KRT78: variants seen among roughly 807,000 people sequenced by gnomAD.
KRT78 encodes the protein keratin 78.
KRT78 carries 55 observed loss-of-function variants against 51.4 expected under a neutral mutation model. The ratio of observed to expected loss-of-function variants is 1.07; its 90% confidence interval spans 0.86 to 1.34. KRT78 has a LOEUF of 1.34. KRT78 is among the 40% of genes most tolerant of loss of function. KRT78 has a pLI of 0.00. For synonymous variants in KRT78, 291 were observed against 264.3 expected (o/e 1.10, Z -0.98); for missense variants, 652 against 649.4 (o/e 1.00, Z -0.04).
In KRT78 at chr12:52,847,942, C is replaced by T; in HGVS notation, c.564G>A (p.Lys188=). 1.2e-6 allele frequency: 2 copies of T among 1,614,206 alleles called. No individual in the cohort carries two copies. The highest frequency in any genetic ancestry group is 1.7e-6 in the Non-Finnish European group (2 of 1,180,038). The part of the protein sequence containing the change: ...GERGALDAEL[K]ACRDQEEEYK... ...ACTCCTCCTCCTGGTCCCGGCAGGC[C>T]TTCAACTCAGCATCCAGAGCCCCTC... The change falls in exon 2 of 9, where the codon AAG becomes AAA. Residue 188 remains lysine, a synonymous_variant. Coordinates refer to ENST00000304620, the MANE Select transcript of KRT78 (RefSeq NM_173352.4).
At chr12:52,843,871 G>A (rs985406858) in intron 6 of KRT78, among the ~76,000 whole-genome samples, 7 of 152,028 alleles carry the variant, frequency 4.6e-5, no homozygotes, top group Non-Finnish European at 8.8e-5. Flanking sequence ...ACTATCCCAC[G>A]AAAGCCAACA....
chr12:52,848,279 T>C (rs373762206), intron 1 of KRT78, 158 bp from the exon 2 acceptor site: 13 of 1,538,652 alleles, frequency 8.4e-6, no homozygotes, highest in East Asian at 7.3e-5. Flanking sequence ...CATGACACTC[T>C]GAACACAACA....
At chr12:52,847,826 G>T in intron 2 of KRT78, 81 bp downstream of exon 2, 2 of 1,253,006 alleles carry the variant, frequency 1.6e-6, no homozygotes, top group African/African-American at 1.5e-5. Flanking sequence ...TCAGTATGTG[G>T]GACACCTCCT....
Position 52,848,075 on chromosome 12 carries a change from T to A in KRT78, c.431A>T (p.His144Leu). ...ACTCAACCCCTGTTGCTGCAGCAGATGCCACTTCGTCTCCAGGACCTTGTT... is the reference window on the plus strand; with the variant it reads ...ACTCAACCCCTGTTGCTGCAGCAGAAGCCACTTCGTCTCCAGGACCTTGTT... ...QQNKVLETKW[H>L]LLQQQGLSGS... The change falls in exon 2 of 9, where the codon CAT becomes CTT. Residue 144 changes from histidine (H) to leucine (L), a missense_variant. Transcript: ENST00000304620. The A allele has an allele frequency of 6.2e-7, 1 of 1,614,156 alleles. No individual in the cohort carries two copies. The highest frequency in any genetic ancestry group is 2.2e-5 in the East Asian group (1 of 44,872).
intron 3 of KRT78, 51 bp from the exon 4 acceptor site, chr12:52,846,343 C>T: frequency 8.7e-7 from 1 of 1,155,012 alleles, no homozygotes; most frequent in Admixed American, 1.7e-5. Context: ...TCTTTGGGGT[C>T]CCTACTCTGG....
At chr12:52,846,016 C>T (rs890228031) in intron 4 of KRT78, 181 bp downstream of exon 4, 1 of 592,096 alleles carries the variant, frequency 1.7e-6, no homozygotes, top group Non-Finnish European at 3.0e-6. Flanking sequence ...ATTGATGTAT[C>T]CCCAGGACCT....
At chr12:52,848,455 G>A (rs1940698983) in intron 1 of KRT78, 92 bp downstream of exon 1, 1 of 1,554,354 alleles carries the variant, frequency 6.4e-7, no homozygotes, top group Non-Finnish European at 8.7e-7. Context: ...AAAAGTGGTA[G>A]AAGGAGGCCA....
chr12:52,843,713 AAAAAG>A (rs1260893343), intron 6 of KRT78, among the ~76,000 whole-genome samples: 1 of 151,364 alleles, frequency 6.6e-6, no homozygotes, highest in African/African-American at 2.4e-5. Flanking sequence ...AAAGAAAAAG[AAAAAG>A]AAAAGAAAAG....
At chr12:52,845,630 T>C (rs1940621950) in intron 4 of KRT78, among the ~76,000 whole-genome samples, 1 of 152,240 alleles carries the variant, frequency 6.6e-6, no homozygotes, top group Non-Finnish European at 1.5e-5. Context: ...CCTTATTTAC[T>C]AAGTCTGTTG....
chr12:52,839,846 A>G lies in KRT78; in HGVS notation c.1186T>C (p.Tyr396His). ...KQNLARLLCE[Y>H]QELTSTKLSL... is the part of the protein sequence containing the mutation. ...AGCTTCGTGCTCGTCAGCTCCTGGTACTCGCACAGCAGCCGGGCCAGGTTC... is the reference window on the plus strand; with the variant it reads ...AGCTTCGTGCTCGTCAGCTCCTGGTGCTCGCACAGCAGCCGGGCCAGGTTC... The change falls in exon 7 of 9, where the codon TAC (tyrosine) becomes CAC (histidine). Residue 396 changes from tyrosine (Y) to histidine (H), a missense_variant. Tyr to His is a moderately conservative substitution (Grantham distance 83, BLOSUM62 2). Coordinates refer to ENST00000304620, the MANE Select transcript of KRT78 (RefSeq NM_173352.4). 2 of 1,613,840 alleles carry G rather than the reference A, an allele frequency of 1.2e-6. No individual in the cohort carries two copies. The highest frequency in any genetic ancestry group is 2.2e-5 in the East Asian group (1 of 44,842).
intron 6 of KRT78, among the ~76,000 whole-genome samples, chr12:52,843,472 T>G (rs1940562658): frequency 6.7e-6 from 1 of 150,252 alleles, no homozygotes; most frequent in Non-Finnish European, 1.5e-5. Context: ...GGCAGATCAC[T>G]TGAGGTCAGG....
intron 1 of KRT78, 96 bp from the exon 2 acceptor site, chr12:52,848,217 C>T (rs1362122473): frequency 6.4e-7 from 1 of 1,551,224 alleles, no homozygotes; most frequent in East Asian, 2.4e-5. Context: ...ATCAGCCTCA[C>T]CTTTCCCCTG....
chr12:52,844,468 C>T, intron 5 of KRT78, 91 bp downstream of exon 5: 2 of 1,473,276 alleles, frequency 1.4e-6, no homozygotes, highest in Non-Finnish European at 1.9e-6. Context: ...CTGGAACTGC[C>T]CCAATGGGAT....
At position 52,839,753 on chromosome 12, in the gene KRT78, G is replaced by A; in HGVS notation, c.1268+11C>T. 1 of 1,612,082 alleles carries A rather than the reference G, an allele frequency of 6.2e-7. No homozygotes were observed. The highest frequency in any genetic ancestry group is 8.5e-7 in the Non-Finnish European group (1 of 1,178,488). Reference sequence around the variant, plus strand: ...AACTCATATTCCCAGGTCCCTCCAAGCCTCCCTCACCTGCACTCCTCGCCC... The same window carrying A: ...AACTCATATTCCCAGGTCCCTCCAAACCTCCCTCACCTGCACTCCTCGCCC... On this transcript the variant is annotated intron_variant, in intron 7 of 8. Transcript: ENST00000304620.
intron 5 of KRT78, among the ~76,000 whole-genome samples, 165 bp from the exon 6 acceptor site, chr12:52,844,383 C>T (rs548301757): frequency 2.6e-5 from 4 of 152,210 alleles, no homozygotes; most frequent in African/African-American, 7.2e-5. Context: ...TTATCTCCCA[C>T]GGTTCCTCTG....
At chr12:52,844,359 C>A in intron 5 of KRT78, 141 bp from the exon 6 acceptor site, 2 of 1,198,862 alleles carry the variant, frequency 1.7e-6, no homozygotes, top group Non-Finnish European at 1.2e-6. Context: ...GGATATACTT[C>A]CAGAAGTCCA....
chr12:52,844,188 G>A lies in KRT78; in HGVS notation c.952C>T (p.His318Tyr), dbSNP rs1940584702. Residue 318 changes from histidine to tyrosine, a missense_variant, in exon 6 of 9, where the codon CAT becomes TAT. Transcript: ENST00000304620. ...TTCGTTTCCTGCATCCTGTCCCCATGAAGCTGGGCAGACACCTGAAGTTCC... is the reference window on the plus strand; with the variant it reads ...TTCGTTTCCTGCATCCTGTCCCCATAAAGCTGGGCAGACACCTGAAGTTCC... ...YQELQVSAQL[H>Y]GDRMQETKVQ... 1 of 1,608,600 alleles carries A rather than the reference G, an allele frequency of 6.2e-7. No individual in the cohort carries two copies. Among genetic ancestry groups the A allele is most frequent in the Non-Finnish European group, 8.5e-7 (1 of 1,178,608 alleles).
At position 52,839,071 on chromosome 12, in the gene KRT78, G is replaced by T. The variant is rs1419245160; in HGVS notation, c.*42C>A. ...CTTGCAGAGCCGGCTGATGGGGGGA[G>T]TGGGCCAAATGTGTTCAGGAAGGAG... On this transcript the variant is annotated 3_prime_UTR_variant, in exon 9 of 9. Transcript: ENST00000304620. The T allele has an allele frequency of 6.3e-7, 1 of 1,586,790 alleles. No homozygotes were observed. The highest frequency in any genetic ancestry group is 1.7e-5 in the Admixed American group (1 of 59,120).
At chr12:52,841,112 T>C (rs998718832) in intron 6 of KRT78, among the ~76,000 whole-genome samples, 1 of 152,174 alleles carries the variant, frequency 6.6e-6, no homozygotes, top group Admixed American at 6.5e-5. Context: ...TTCTCATTTT[T>C]TTCAGACAGT....
Sources: allele counts gnomAD v4.1 joint callset (sites outside exome capture counted in the v4.1 genomes callset), GRCh38; gene constraint gnomAD v4.1.1; transcripts MANE v1.5; gene names NCBI Gene and HGNC (gene_info 2026-07-23, HGNC 2026-07-21).